TNFAIP3: variants seen among roughly 807,000 people sequenced by gnomAD.
TNFAIP3 encodes the protein tumor necrosis factor alpha-induced protein 3.
A neutral mutation model predicts 72.4 loss-of-function variants in TNFAIP3; 9 were observed. The ratio of observed to expected loss-of-function variants is 0.12; its 90% CI spans 0.07 to 0.22. The LOEUF is 0.22. Among genes scored for constraint, TNFAIP3 ranks in the 10% least tolerant of loss-of-function variants. The pLI is 1.00. For missense variants in TNFAIP3, 833 were observed against 1,018.7 expected, an observed-to-expected ratio of 0.82 and a Z score of 2.48; for synonymous variants, 339 against 372.6, an observed-to-expected ratio of 0.91 and a Z score of 1.04.
chr6:137,873,395 T>A (rs768095417), intron 2 of TNFAIP3, among the ~76,000 whole-genome samples: 6 of 152,170 alleles, frequency 3.9e-5, no homozygotes, highest in Non-Finnish European at 8.8e-5. Flanking sequence ...CCAGCGTCTA[T>A]TGGCTGCAGC....
chr6:137,875,768 C>T lies in TNFAIP3; in HGVS notation c.567C>T (p.Asn189=). 3 of 1,614,160 alleles carry T rather than the reference C, an allele frequency of 1.9e-6. No homozygotes were observed. The highest frequency in any genetic ancestry group is 2.5e-6 in the Non-Finnish European group (3 of 1,180,030). Residue 189 remains asparagine (N), a synonymous_variant, in exon 4 of 9, where the codon AAC becomes AAT. Transcript: ENST00000612899. ...TPMARSGLQY[N]SLEEIHIFVL... Reference sequence around the variant, plus strand: ...TGGCCCGAAGTGGACTTCAGTACAACTCACTGGAAGAAATACACATATTTG... The same window carrying T: ...TGGCCCGAAGTGGACTTCAGTACAATTCACTGGAAGAAATACACATATTTG...
intron 6 of TNFAIP3, among the ~76,000 whole-genome samples, 183 bp from the exon 7 acceptor site, chr6:137,878,249 A>G (rs1245372797): frequency 1.3e-5 from 2 of 152,242 alleles, no homozygotes; most frequent in African/African-American, 4.8e-5. Context: ...CATGTTGGGA[A>G]ATGTGTCAGA....
Position 137,881,219 on chromosome 6 carries a change from C to T in TNFAIP3, c.2273C>T (p.Pro758Leu), listed in dbSNP as rs377038705. 7.0e-5 allele frequency: 113 copies of T among 1,611,474 alleles called. No homozygotes were observed. The highest frequency in any genetic ancestry group is 9.2e-5 in the Non-Finnish European group (108 of 1,179,038). Residue 758 changes from proline (P) to leucine (L), a missense_variant, in exon 9 of 9, where the codon CCC becomes CTC. Physicochemically the swap from Pro to Leu is moderately conservative, Grantham distance 98 (BLOSUM62 -3). Coordinates refer to ENST00000612899, the MANE Select transcript of TNFAIP3 (RefSeq NM_001270508.2). The surrounding 1 kb of genome is among the most constrained non-coding windows in gnomAD (Gnocchi z 5.0). ...HRGEPAPEDP[P>L]KQRCRAPACD... ...GGTGAGCCTGCCCCCGAAGACCCCC[C>T]CAAGCAGCGTTGCCGGGCCCCCGCC...
chr6:137,870,488 G>C (rs1776021732), intron 1 of TNFAIP3, among the ~76,000 whole-genome samples: 1 of 152,148 alleles, frequency 6.6e-6, no homozygotes, highest in African/African-American at 2.4e-5. Context: ...AATGCTGACT[G>C]CTCTTAAAAT....
Position 137,874,706 on chromosome 6 carries a change from C to T in TNFAIP3, c.296-139C>T, listed in dbSNP as rs980829696. On this transcript the variant is annotated intron_variant, in intron 2 of 8. Transcript: ENST00000612899. ...TCATCTTGTGAAATATCAGTTTGCC[C>T]TTGACTAGGAAATTACATCAAATTA... 1.0e-5 allele frequency: 8 copies of T among 763,676 alleles called. No homozygotes were observed. In the South Asian group the frequency reaches 1.7e-4, roughly 16 times the overall value. The allele number at this position is 763,676 out of a possible 1,614,324, so 47.3% of individuals were successfully genotyped here.
Position 137,878,519 on chromosome 6 carries a change from A to G in TNFAIP3, c.1074A>G (p.Glu358=). The change falls in exon 7 of 9, where the codon GAA becomes GAG. Residue 358 remains glutamate (E), a synonymous_variant. Transcript: ENST00000612899. ...LVQHEYKKWQ[E]NSEQGRREGH... ...AGCATGAGTACAAGAAATGGCAGGA[A>G]AACAGCGAGCAGGGGAGGAGAGAGG... 3 of 1,614,272 alleles carry G rather than the reference A, an allele frequency of 1.9e-6. No homozygotes were observed. Among genetic ancestry groups the G allele is most frequent in the Non-Finnish European group, 2.5e-6 (3 of 1,180,052 alleles).
At position 137,867,518 on chromosome 6, in the gene TNFAIP3, G is replaced by A. The variant is rs1775877642; in HGVS notation, c.-40G>A. The A allele has an allele frequency of 6.5e-6, 1 of 153,056 alleles. No homozygotes were observed. The highest frequency in any genetic ancestry group is 2.4e-5 in the African/African-American group (1 of 41,338). The allele number at this position is 153,056 out of a possible 1,614,324, so 9.5% of individuals were successfully genotyped here. A position where few individuals can be genotyped will look rare whatever the true frequency, so the allele number is the denominator to read the frequency against. ...AGGTAACCGCCGCGCCTCCCGGAGAGGTAACCGCCGCGCCTCCCGGAGAGG... is the reference window on the plus strand; with the variant it reads ...AGGTAACCGCCGCGCCTCCCGGAGAAGTAACCGCCGCGCCTCCCGGAGAGG... On this transcript the variant is annotated 5_prime_UTR_variant, in exon 1 of 9. Transcript: ENST00000612899. This position sits in a 1 kb window ranked among gnomAD's most constrained non-coding sequence, Gnocchi z 6.0.
chr6:137,880,347 C>A, intron 8 of TNFAIP3, 95 bp downstream of exon 8: 1 of 1,299,026 alleles, frequency 7.7e-7, no homozygotes, highest in Non-Finnish European at 1.1e-6. Flanking sequence ...GCTTTCCTCT[C>A]TGCCAGGTTC....
chr6:137,867,305 G>A lies in TNFAIP3; in HGVS notation c.-253G>A, dbSNP rs1324567869. 6.6e-6 allele frequency: 1 copy of A among 152,002 alleles called. No individual in the cohort carries two copies. Among genetic ancestry groups the A allele is most frequent in the East Asian group, 1.9e-4 (1 of 5,192 alleles). The allele number at this position is 152,002 out of a possible 1,614,324, so 9.4% of individuals were successfully genotyped here. ...GGGCCAAGCGAGCTTGGAGCCCGCG[G>A]GGGCGGAGCGGTGAGAGCGGCCGCC... is the stretch of plus-strand genomic sequence containing the variant. On this transcript the variant is annotated 5_prime_UTR_variant, in exon 1 of 9. Coordinates refer to ENST00000612899, the MANE Select transcript of TNFAIP3 (RefSeq NM_001270508.2). The surrounding 1 kb of genome is among the most constrained non-coding windows in gnomAD (Gnocchi z 6.0).
At chr6:137,866,916 C>T (rs1562264622), upstream of TNFAIP3, 1 of 152,334 alleles carries the variant, frequency 6.6e-6, no homozygotes, top group Non-Finnish European at 1.5e-5. Flanking sequence ...ATTTCCAGTT[C>T]CCATCACCGC....
upstream of TNFAIP3, among the ~76,000 whole-genome samples, chr6:137,867,035 C>CGGGCGGGGCGGGGCAGCG (rs1554223419): frequency 4.6e-4 from 23 of 49,492 alleles, no homozygotes; most frequent in African/African-American, 1.8e-3. This position sits in a 1 kb window ranked among gnomAD's most constrained non-coding sequence, Gnocchi z 6.0. Flanking sequence ...CTGCAGGGAC[C>CGGGCGGGGCGGGGCAGCG]GGGCGGGGCG....
At chr6:137,868,602 AG>A (rs1172210696) in intron 1 of TNFAIP3, among the ~76,000 whole-genome samples, 2 of 152,136 alleles carry the variant, frequency 1.3e-5, no homozygotes, top group Non-Finnish European at 2.9e-5. Flanking sequence ...AAATAAAACA[AG>A]GGGGAGAAGA....
Position 137,878,593 on chromosome 6 carries a change from T to G in TNFAIP3, c.1148T>G (p.Met383Arg), listed in dbSNP as rs1289146384. The G allele has an allele frequency of 1.2e-6, 2 of 1,614,204 alleles. No homozygotes were observed. Among genetic ancestry groups the G allele is most frequent in the South Asian group, 1.1e-5 (1 of 91,086 alleles). Residue 383 changes from methionine (M) to arginine (R), a missense_variant, in exon 7 of 9, where the codon ATG (methionine) becomes AGG (arginine). Physicochemically the swap from Met to Arg is moderately conservative, Grantham distance 91. Around this residue, in one of 2 missense-constraint regions of TNFAIP3, gnomAD observed 587 missense variants for 657.8 expected, o/e 0.89. Transcript: ENST00000612899. ...MEPSVPQLSL[M>R]DVKCETPNCP... ...CCTTCCGTGCCCCAGCTTTCTCTCA[T>G]GGATGTAAAATGTGAAACGCCCAAC...
intron 8 of TNFAIP3, 41 bp downstream of exon 8, chr6:137,880,293 C>G (rs376764527): frequency 3.7e-6 from 6 of 1,608,236 alleles, no homozygotes; most frequent in Non-Finnish European, 5.1e-6. Flanking sequence ...CCCGTGTGTT[C>G]GATGCTTTTT....
Position 137,867,454 on chromosome 6 carries a change from A to G in TNFAIP3, c.-104A>G, listed in dbSNP as rs1582879833. On this transcript the variant is annotated 5_prime_UTR_variant, in exon 1 of 9. Coordinates refer to ENST00000612899, the MANE Select transcript of TNFAIP3 (RefSeq NM_001270508.2). This position sits in a 1 kb window ranked among gnomAD's most constrained non-coding sequence, Gnocchi z 6.0. Reference sequence around the variant, plus strand: ...CCTGCGGCGCGCTCCTGCCTTGACCAGGACTTGGGACTTTGCGAAAGGATC... The same window carrying G: ...CCTGCGGCGCGCTCCTGCCTTGACCGGGACTTGGGACTTTGCGAAAGGATC... 6.6e-6 allele frequency: 1 copy of G among 152,526 alleles called. No homozygotes were observed. The highest frequency in any genetic ancestry group is 1.9e-4 in the East Asian group (1 of 5,308). 9.4% of individuals were successfully genotyped at this position (152,526 alleles called of 1,614,324 possible). A position where few individuals can be genotyped will look rare whatever the true frequency, so the allele number is the denominator to read the frequency against.
intron 6 of TNFAIP3, 34 bp downstream of exon 6, chr6:137,877,290 A>G: frequency 6.4e-7 from 1 of 1,564,550 alleles, no homozygotes. Context: ...CTCCTGTGTC[A>G]TCTGTAACTG....
intron 5 of TNFAIP3, among the ~76,000 whole-genome samples, chr6:137,876,603 G>C (rs1776257513): frequency 6.6e-6 from 1 of 152,192 alleles, no homozygotes. Context: ...TGCCTGGCCT[G>C]TTAGCTGTTA....
At chr6:137,869,895 A>C (rs1776000453) in intron 1 of TNFAIP3, among the ~76,000 whole-genome samples, 1 of 152,172 alleles carries the variant, frequency 6.6e-6, no homozygotes, top group Non-Finnish European at 1.5e-5. Flanking sequence ...GGAAATTAGG[A>C]AGTGTGGCCA....
Position 137,878,985 on chromosome 6 carries a change from A to T in TNFAIP3, c.1540A>T (p.Arg514Trp). Residue 514 changes from arginine (R) to tryptophan (W), a missense_variant, in exon 7 of 9, where the codon AGG becomes TGG. Around this residue, in one of 2 missense-constraint regions of TNFAIP3, gnomAD observed 587 missense variants for 657.8 expected, o/e 0.89. Coordinates refer to ENST00000612899, the MANE Select transcript of TNFAIP3 (RefSeq NM_001270508.2). ...CGCCAGCCACGCCCCAGACCACACA[A>T]GGCACTTGGATCCCGGGAAGTGCCA... ...LHASHAPDHT[R>W]HLDPGKCQAC... 1 of 1,614,192 alleles carries T rather than the reference A, an allele frequency of 6.2e-7. No individual in the cohort carries two copies.
Sources: allele counts gnomAD v4.1 joint callset (sites outside exome capture counted in the v4.1 genomes callset), GRCh38; gene constraint gnomAD v4.1.1; regional missense constraint gnomAD v4.1.1; non-coding constraint Gnocchi (gnomAD v3.1); transcripts MANE v1.5; gene names NCBI Gene and HGNC (gene_info 2026-07-23, HGNC 2026-07-21).